Variants in TRHDE observed in about 807,000 individuals in gnomAD.
The protein encoded by TRHDE is thyrotropin releasing hormone degrading enzyme.
In TRHDE, 72 loss-of-function variants were observed where a neutral mutation model predicts 125.7. The ratio of observed to expected loss-of-function variants is 0.57; its 90% confidence interval spans 0.47 to 0.70. The LOEUF is 0.70. Among genes scored for constraint, TRHDE ranks in the 30% least tolerant of loss-of-function variants. The pLI is 0.00. For missense variants in TRHDE, 1,110 were observed against 1,327.1 expected (o/e 0.84, Z 2.54); for synonymous variants, 509 against 509.1 (o/e 1.00, Z 0.00).
intron 4 of TRHDE, 119 bp downstream of exon 4, chr12:72,470,031 A>C (rs1876567476): frequency 2.1e-6 from 2 of 952,154 alleles, no homozygotes; most frequent in African/African-American, 3.3e-5. Context: ...TATATGGAGC[A>C]CTGTGTAGTT....
At chr12:72,483,826 A>G (rs1486567694) in intron 5 of TRHDE, among the ~76,000 whole-genome samples, 5 of 152,036 alleles carry the variant, frequency 3.3e-5, no homozygotes, top group African/African-American at 1.2e-4. Flanking sequence ...TTATCAGACT[A>G]GGTTATTTGA....
rs549414553 is a variant in TRHDE, at chr12:72,156,770, C to T, written n.279+51018C>T. On this transcript the variant is annotated intron_variant and non_coding_transcript_variant, in intron 2 of 4. Coordinates refer to the TRHDE transcript ENST00000548156. ...AGAAACAAGGGAAACATTTATTTGT[C>T]TTTCATCAAATATTTATGAAGCAAT... 3.3e-5 allele frequency among the ~76,000 whole-genome samples: 5 copies of T among 152,230 alleles called. No homozygotes were observed. In the East Asian group the frequency reaches 5.8e-4, roughly 18 times the overall value.
At chr12:72,278,597 C>T (rs1292694684) in intron 1 of TRHDE, among the ~76,000 whole-genome samples, 1 of 152,134 alleles carries the variant, frequency 6.6e-6, no homozygotes, top group East Asian at 1.9e-4. Context: ...GCTGCACATC[C>T]TTGCTAACAG....
chr12:72,213,853 TGA>T (rs1261276562), intron 2 of TRHDE, among the ~76,000 whole-genome samples: 1 of 152,140 alleles, frequency 6.6e-6, no homozygotes, highest in African/African-American at 2.4e-5. Context: ...AATTGGGAAC[TGA>T]GGGGGAAAAT....
intron 12 of TRHDE, among the ~76,000 whole-genome samples, chr12:72,587,813 G>T (rs929098463): frequency 6.6e-6 from 1 of 151,984 alleles, no homozygotes; most frequent in Non-Finnish European, 1.5e-5. Context: ...CTACTTCAAA[G>T]ATATGGTAAA....
chr12:72,458,727 A>G (rs1281859524), intron 3 of TRHDE, among the ~76,000 whole-genome samples: 2 of 152,094 alleles, frequency 1.3e-5, no homozygotes, highest in African/African-American at 4.8e-5. Flanking sequence ...TACTGAAAGT[A>G]TTGTGTTGTC....
At chr12:72,148,788 G>A (rs985481897) in intron 2 of TRHDE, among the ~76,000 whole-genome samples, 4 of 152,176 alleles carry the variant, frequency 2.6e-5, no homozygotes, top group Non-Finnish European at 5.9e-5. Flanking sequence ...TCTTTTTGCT[G>A]TTTTGTTTGT....
intron 2 of TRHDE, among the ~76,000 whole-genome samples, chr12:72,185,640 C>T (rs1407961242): frequency 6.6e-6 from 1 of 151,488 alleles, no homozygotes; most frequent in Non-Finnish European, 1.5e-5. Context: ...TCTGGTGGGG[C>T]CTTGGAGAAC....
In TRHDE at chr12:72,624,248, C is replaced by CT. The variant is rs377308720; in HGVS notation, c.2675+2508dup. Among the ~76,000 whole-genome samples, 383 of 146,728 alleles carry CT rather than the reference C, an allele frequency of 2.6e-3. 2 individuals are homozygous for CT. Among genetic ancestry groups the CT allele is most frequent in the African/African-American group, 7.1e-3 (286 of 40,130 alleles). On this transcript the variant is annotated intron_variant, in intron 15 of 18. Transcript: ENST00000261180. ...TCAAATTGAGTCAAGAAGGAAAGAA[C>CT]TTTTTTTTTTTAAATGGCCCTATAG...
intron 2 of TRHDE, among the ~76,000 whole-genome samples, chr12:72,166,552 A>G (rs1876753235): frequency 6.6e-6 from 1 of 152,188 alleles, no homozygotes; most frequent in African/African-American, 2.4e-5. Flanking sequence ...CTGATTCACC[A>G]AGTCATAAAT....
chr12:72,577,867 G>GA (rs1303531375), intron 12 of TRHDE, among the ~76,000 whole-genome samples: 2 of 152,018 alleles, frequency 1.3e-5, no homozygotes, highest in Non-Finnish European at 2.9e-5. Context: ...AAATTCACCA[G>GA]AAAAACATGG....
intron 4 of TRHDE, among the ~76,000 whole-genome samples, chr12:72,471,591 C>T (rs530352114): frequency 1.3e-5 from 2 of 152,144 alleles, no homozygotes; most frequent in African/African-American, 2.4e-5. Flanking sequence ...TGTCATTAAC[C>T]AATTAATTTC....
intron 2 of TRHDE, among the ~76,000 whole-genome samples, chr12:72,352,950 CTT>C (rs72274282): frequency 0.058 from 8,370 of 143,888 alleles, 454 homozygotes; most frequent in African/African-American, 0.13. Flanking sequence ...CTCTTCTGTA[CTT>C]TTTTTTTTTT....
intron 12 of TRHDE, among the ~76,000 whole-genome samples, chr12:72,597,741 A>ATATATATATATG (rs1872028230): frequency 4.4e-5 from 1 of 22,634 alleles, no homozygotes; most frequent in Non-Finnish European, 1.0e-4. Flanking sequence ...ATATATATAT[A>ATATATATATATG]TATATATATA....
chr12:72,570,571 A>T (rs1401578113), intron 10 of TRHDE, among the ~76,000 whole-genome samples: 1 of 116,102 alleles, frequency 8.6e-6, no homozygotes, highest in African/African-American at 3.9e-5. Flanking sequence ...AGAGAGAGAG[A>T]CTGTCTCAAA....
intron 6 of TRHDE, among the ~76,000 whole-genome samples, chr12:72,521,719 C>T (rs960353601): frequency 2.0e-5 from 3 of 152,170 alleles, no homozygotes; most frequent in Non-Finnish European, 4.4e-5. Flanking sequence ...AACTGTTTTC[C>T]AGCTCCACGA....
In TRHDE at chr12:72,664,475, G is replaced by A. The variant is rs1176920811; in HGVS notation, c.*1280G>A. 1.3e-5 allele frequency: 2 copies of A among 152,356 alleles called. No homozygotes were observed. Among genetic ancestry groups the A allele is most frequent in the Non-Finnish European group, 2.9e-5 (2 of 67,994 alleles). 9.4% of individuals were successfully genotyped at this position (152,356 alleles called of 1,614,324 possible). A position where few individuals can be genotyped will look rare whatever the true frequency, so the allele number is the denominator to read the frequency against. ...TGTTAATGTACAAAGCTTTTCTTTT[G>A]GCACTGACAACTGTGTTCTACCTGG... On this transcript the variant is annotated 3_prime_UTR_variant, in exon 19 of 19. Transcript: ENST00000261180.
intron 6 of TRHDE, among the ~76,000 whole-genome samples, chr12:72,522,112 A>C (rs1406981866): frequency 2.0e-5 from 3 of 152,214 alleles, no homozygotes; most frequent in Non-Finnish European, 4.4e-5. Context: ...TTTACAGATG[A>C]GGACACTGAG....
intron 2 of TRHDE, among the ~76,000 whole-genome samples, chr12:72,230,308 A>C (rs7316840): frequency 0.78 from 118,391 of 152,070 alleles, 46,494 homozygotes; most frequent in African/African-American, 0.85. Flanking sequence ...TTCTTACCAT[A>C]CTTATTACAT....
Sources: allele counts gnomAD v4.1 joint callset (sites outside exome capture counted in the v4.1 genomes callset), GRCh38; gene constraint gnomAD v4.1.1; transcripts MANE v1.5; gene names NCBI Gene and HGNC (gene_info 2026-07-23, HGNC 2026-07-21).